MACROD2: variants seen among roughly 807,000 people sequenced by gnomAD.
The protein encoded by MACROD2 is ADP-ribose glycohydrolase MACROD2.
Under a neutral mutation model 70.4 loss-of-function variants are expected in MACROD2, and 36 were observed. The observed-to-expected ratio is 0.51, with a 90% CI of 0.39 to 0.68. MACROD2 has a LOEUF of 0.68. Among genes scored for constraint, MACROD2 ranks in the 30% least tolerant of loss-of-function variants. MACROD2 has a pLI of 0.00. For missense variants in MACROD2, 496 were observed against 538.4 expected, an observed-to-expected ratio of 0.92 and a Z score of 0.78; for synonymous variants, 172 against 178.8, an observed-to-expected ratio of 0.96 and a Z score of 0.30.
intron 5 of MACROD2, among the ~76,000 whole-genome samples, chr20:15,191,546 T>C (rs940381078): frequency 1.3e-5 from 2 of 152,156 alleles, no homozygotes; most frequent in Non-Finnish European, 2.9e-5. Flanking sequence ...AGAAGCCTGC[T>C]CTTTGAGATG....
At chr20:14,910,965 T>G (rs553209980) in intron 5 of MACROD2, among the ~76,000 whole-genome samples, 1 of 152,324 alleles carries the variant, frequency 6.6e-6, no homozygotes, top group East Asian at 1.9e-4. Flanking sequence ...AAATTAAAGT[T>G]TCATGAAAAA....
chr20:15,027,812 C>T (rs1430418458), intron 5 of MACROD2, among the ~76,000 whole-genome samples: 9 of 152,022 alleles, frequency 5.9e-5, no homozygotes, highest in Non-Finnish European at 1.0e-4. Context: ...CCTGAATACT[C>T]TATCTAAATA....
chr20:15,484,391 C>T (rs574288848), intron 7 of MACROD2, among the ~76,000 whole-genome samples: 2 of 152,130 alleles, frequency 1.3e-5, no homozygotes, highest in African/African-American at 4.8e-5. Context: ...TACCTCTGAA[C>T]TGTGAACATC....
chr20:14,293,506 G>GA (rs2082402590), intron 3 of MACROD2, among the ~76,000 whole-genome samples: 1 of 151,672 alleles, frequency 6.6e-6, no homozygotes, highest in Non-Finnish European at 1.5e-5. Context: ...AGATCTGGGG[G>GA]AAAAAGATCT....
chr20:15,064,265 A>G (rs1052933987), intron 5 of MACROD2, among the ~76,000 whole-genome samples: 1 of 152,142 alleles, frequency 6.6e-6, no homozygotes, highest in Non-Finnish European at 1.5e-5. Context: ...AGGGGCACTG[A>G]TGATCTTTGG....
chr20:14,133,146 C>G (rs2054741229), intron 3 of MACROD2, among the ~76,000 whole-genome samples: 1 of 152,150 alleles, frequency 6.6e-6, no homozygotes, highest in Admixed American at 6.5e-5. Flanking sequence ...GGATGAGGCC[C>G]ATCCCATTAC....
intron 8 of MACROD2, among the ~76,000 whole-genome samples, chr20:15,574,736 C>T (rs2048421432): frequency 1.3e-5 from 2 of 152,144 alleles, no homozygotes; most frequent in Admixed American, 6.6e-5. Context: ...TGGCTTCAGC[C>T]TTCAAGGGTC....
At chr20:15,584,172 G>T (rs962785374) in intron 8 of MACROD2, among the ~76,000 whole-genome samples, 2 of 152,194 alleles carry the variant, frequency 1.3e-5, no homozygotes, top group African/African-American at 4.8e-5. Context: ...TGTTAAAAAT[G>T]CAGCCCCCTG....
At chr20:14,056,900 GTGTT>G (rs1220200520) in intron 2 of MACROD2, among the ~76,000 whole-genome samples, 15 of 151,414 alleles carry the variant, frequency 9.9e-5, no homozygotes, top group Admixed American at 5.9e-4. Context: ...TTACTGTTGT[GTGTT>G]TGTCATTTTT....
chr20:15,284,494 T>C (rs1568692167), intron 6 of MACROD2, among the ~76,000 whole-genome samples: 1 of 152,212 alleles, frequency 6.6e-6, no homozygotes, highest in East Asian at 1.9e-4. Flanking sequence ...GGTAAAAGTG[T>C]TCTTCTGTGA....
chr20:15,454,433 ACACACACACACACACACAC>A (rs2046691235), intron 7 of MACROD2, among the ~76,000 whole-genome samples: 1 of 148,178 alleles, frequency 6.7e-6, no homozygotes, highest in Non-Finnish European at 1.5e-5. Flanking sequence ...ACACACACAC[ACACACACACACACACACAC>A]ACCCTTATTA....
intron 3 of MACROD2, among the ~76,000 whole-genome samples, chr20:14,195,756 C>A (rs6042580): frequency 0.99 from 151,311 of 152,274 alleles, 75,185 homozygotes; most frequent in East Asian, 1. Context: ...GGGAGAGCCC[C>A]GGCTGCCAAG....
At chr20:15,058,502 A>C (rs1038114478) in intron 5 of MACROD2, among the ~76,000 whole-genome samples, 2 of 152,282 alleles carry the variant, frequency 1.3e-5, no homozygotes, top group East Asian at 3.9e-4. Flanking sequence ...TTATCCTAAA[A>C]AATTATTTGT....
intron 4 of MACROD2, among the ~76,000 whole-genome samples, chr20:14,595,058 A>G (rs562436620): frequency 3.9e-5 from 6 of 152,288 alleles, no homozygotes; most frequent in Admixed American, 6.5e-5. Context: ...GGGTCAAACC[A>G]TATGTACTGT....
intron 6 of MACROD2, among the ~76,000 whole-genome samples, chr20:15,314,273 G>A (rs6043200): frequency 0.33 from 49,378 of 151,108 alleles, 8,129 homozygotes; most frequent in Middle Eastern, 0.36. Flanking sequence ...ATGCTTAATC[G>A]AAAAAGAAAA....
chr20:15,454,453 A>ACACACC (rs1454301030), intron 7 of MACROD2, among the ~76,000 whole-genome samples: 8 of 131,692 alleles, frequency 6.1e-5, no homozygotes, highest in African/African-American at 2.2e-4. Context: ...ACACACACAC[A>ACACACC]CCCTTATTAT....
At chr20:15,283,054 TA>T (rs1315049448) in intron 6 of MACROD2, among the ~76,000 whole-genome samples, 1 of 152,114 alleles carries the variant, frequency 6.6e-6, no homozygotes, top group African/African-American at 2.4e-5. Context: ...CAGACACTTA[TA>T]AAATAATCAG....
intron 4 of MACROD2, chr20:14,523,398 A>G (rs1243630432): frequency 6.6e-6 from 1 of 152,198 alleles, no homozygotes; most frequent in Non-Finnish European, 1.5e-5. Flanking sequence ...TGATGACAGC[A>G]TCACCTGTGG....
intron 3 of MACROD2, among the ~76,000 whole-genome samples, chr20:14,104,488 G>C (rs935081107): frequency 6.6e-6 from 1 of 152,136 alleles, no homozygotes. Context: ...AGTGAGAGAG[G>C]AACTGTTTAT....
Sources: gnomAD v4.1 joint callset for allele counts (sites outside exome capture counted in the v4.1 genomes callset) on GRCh38, gnomAD v4.1.1 for gene constraint, MANE v1.5 for transcripts, NCBI Gene and HGNC (gene_info 2026-07-23, HGNC 2026-07-21) for gene names.